PDE4B: variants seen among roughly 807,000 people sequenced by gnomAD.
The protein encoded by PDE4B is 3',5'-cyclic-AMP phosphodiesterase 4B.
Under a neutral mutation model 82.2 loss-of-function variants are expected in PDE4B, and 20 were observed. The observed-to-expected ratio is 0.24, with a 90% CI of 0.17 to 0.35. The LOEUF is 0.35. PDE4B is among the 10% of genes least tolerant of loss of function. The probability of loss-of-function intolerance (pLI) is 1.00; values close to 1 mark genes in which losing one functional copy is unlikely to be tolerated. For missense variants in PDE4B, 655 were observed against 907.2 expected (o/e 0.72, Z 3.57); for synonymous variants, 320 against 318.9 (o/e 1.00, Z -0.04).
At chr1:65,896,473 A>G (rs1646911898) in intron 1 of PDE4B, among the ~76,000 whole-genome samples, 1 of 152,168 alleles carries the variant, frequency 6.6e-6, no homozygotes, top group South Asian at 2.1e-4. Flanking sequence ...TGGCCAAACC[A>G]TATCAGTGTG....
rs533177885 is a variant in PDE4B at position 66,270,198 on chromosome 1, T to G, written c.634+4111T>G. On this transcript the variant is annotated intron_variant, in intron 7 of 16. Coordinates refer to ENST00000341517, the MANE Select transcript of PDE4B (RefSeq NM_002600.4). Reference sequence around the variant, plus strand: ...GATTTTCAACACCAGTCAATTAGAATGCATTTCAAGAAAAGACTGTGTTCA... The same window carrying G: ...GATTTTCAACACCAGTCAATTAGAAGGCATTTCAAGAAAAGACTGTGTTCA... Among the ~76,000 whole-genome samples the G allele has an allele frequency of 5.9e-5, 9 of 152,336 alleles. No individual in the cohort carries two copies. The East Asian group carries it at 1.7e-3, about 29-fold the overall frequency.
intron 1 of PDE4B, among the ~76,000 whole-genome samples, chr1:65,882,229 A>G (rs1646716078): frequency 6.6e-6 from 1 of 152,160 alleles, no homozygotes; most frequent in South Asian, 2.1e-4. Flanking sequence ...TTGTAGGAGC[A>G]TGGTTACCAG....
In PDE4B at chr1:65,913,249, T is replaced by TA; in HGVS notation, c.-61dup. 11 of 1,433,642 alleles carry TA rather than the reference T, an allele frequency of 7.7e-6. No individual in the cohort carries two copies. Among genetic ancestry groups the TA allele is most frequent in the Non-Finnish European group, 1.1e-5 (11 of 1,016,556 alleles). 88.8% of individuals were successfully genotyped at this position (1,433,642 alleles called of 1,614,324 possible). A position where few individuals can be genotyped will look rare whatever the true frequency, so the allele number is the denominator to read the frequency against. On this transcript the variant is annotated 5_prime_UTR_variant, in exon 2 of 17. An upstream open reading frame in the 5' UTR loses its in-frame stop. Transcript: ENST00000341517. The stretch of plus-strand genomic sequence containing the variant: ...GTGTGTTTTTTTCTCCTGTAGGTAT[T>TA]AAAAAGTGTCAGCAAACTGCATTGA...
chr1:65,804,378 G>C (rs1557755577), intron 1 of PDE4B, among the ~76,000 whole-genome samples: 2 of 152,170 alleles, frequency 1.3e-5, no homozygotes, highest in Non-Finnish European at 2.9e-5. Flanking sequence ...GTTAGTTAAG[G>C]AGAGCACGTC....
chr1:66,045,909 G>A (rs1416472893), intron 3 of PDE4B, among the ~76,000 whole-genome samples: 1 of 151,706 alleles, frequency 6.6e-6, no homozygotes, highest in Non-Finnish European at 1.5e-5. Flanking sequence ...GATGGGGAGT[G>A]GAAGGAGGGC....
chr1:66,317,348 C>A (rs1439609250), intron 7 of PDE4B, among the ~76,000 whole-genome samples: 3 of 152,154 alleles, frequency 2.0e-5, no homozygotes, highest in Non-Finnish European at 4.4e-5. Context: ...CTGCACCAAA[C>A]CCTACCCCGC....
chr1:66,153,647 CTT>C (rs1646446868), intron 3 of PDE4B, among the ~76,000 whole-genome samples: 3 of 152,298 alleles, frequency 2.0e-5, no homozygotes, highest in South Asian at 4.1e-4. Context: ...CACTCTGAGA[CTT>C]TATAGCCCAG....
chr1:65,975,731 C>A (rs1478337758), intron 3 of PDE4B, among the ~76,000 whole-genome samples: 3 of 152,174 alleles, frequency 2.0e-5, no homozygotes, highest in Admixed American at 1.3e-4. Flanking sequence ...CTAAAAGGAG[C>A]CAGGGTACAG....
chr1:66,176,187 A>G (rs1011402727), intron 3 of PDE4B, among the ~76,000 whole-genome samples: 4 of 152,194 alleles, frequency 2.6e-5, no homozygotes, highest in African/African-American at 7.2e-5. Flanking sequence ...CAAAGGCAAG[A>G]TTTCCCACGC....
At chr1:65,838,163 G>A (rs182791267) in intron 1 of PDE4B, among the ~76,000 whole-genome samples, 39 of 152,126 alleles carry the variant, frequency 2.6e-4, no homozygotes, top group African/African-American at 8.9e-4. Context: ...TGTATGTCTT[G>A]CCAGTGAAAC....
At chr1:65,825,750 C>T (rs538354419) in intron 1 of PDE4B, among the ~76,000 whole-genome samples, 14 of 151,556 alleles carry the variant, frequency 9.2e-5, no homozygotes, top group Admixed American at 2.6e-4. Flanking sequence ...ATCTATCTAT[C>T]TATCTATCTC....
intron 7 of PDE4B, among the ~76,000 whole-genome samples, chr1:66,296,405 T>C (rs1014172791): frequency 6.6e-6 from 1 of 152,194 alleles, no homozygotes; most frequent in Non-Finnish European, 1.5e-5. Flanking sequence ...TTTTAGTTGA[T>C]GTGCTGACCC....
intron 1 of PDE4B, among the ~76,000 whole-genome samples, chr1:65,828,904 A>T (rs931998219): frequency 3.3e-5 from 5 of 152,214 alleles, no homozygotes; most frequent in African/African-American, 1.2e-4. Flanking sequence ...ACAATGAGTA[A>T]ATTAAACAAA....
chr1:66,111,669 G>A (rs985532671), intron 3 of PDE4B, among the ~76,000 whole-genome samples: 13 of 152,068 alleles, frequency 8.5e-5, no homozygotes, highest in South Asian at 6.2e-4. Flanking sequence ...CCATTCATCC[G>A]TTGGTAAACA....
At chr1:66,009,715 A>T (rs559393175) in intron 3 of PDE4B, among the ~76,000 whole-genome samples, 1 of 152,166 alleles carries the variant, frequency 6.6e-6, no homozygotes, top group East Asian at 1.9e-4. Flanking sequence ...TTCTTATTTC[A>T]GGTGGTGTCT....
intron 3 of PDE4B, among the ~76,000 whole-genome samples, chr1:66,163,002 T>C (rs1267005473): frequency 6.6e-6 from 1 of 152,220 alleles, no homozygotes; most frequent in Non-Finnish European, 1.5e-5. Flanking sequence ...TAGTTCAGTT[T>C]TCCAATATCC....
chr1:66,198,472 G>A (rs911371269), intron 3 of PDE4B, among the ~76,000 whole-genome samples: 3 of 152,034 alleles, frequency 2.0e-5, no homozygotes, highest in Non-Finnish European at 1.5e-5. Context: ...GCAAAAAGTG[G>A]CATTTATTTT....
intron 3 of PDE4B, among the ~76,000 whole-genome samples, chr1:66,240,168 A>G (rs548382143): frequency 6.6e-6 from 1 of 152,344 alleles, no homozygotes; most frequent in African/African-American, 2.4e-5. Context: ...GTATCACCGT[A>G]TCACCCACAG....
At chr1:66,192,932 T>C (rs904307214) in intron 3 of PDE4B, among the ~76,000 whole-genome samples, 1 of 152,186 alleles carries the variant, frequency 6.6e-6, no homozygotes, top group African/African-American at 2.4e-5. Flanking sequence ...TTTAAGGTAC[T>C]TGCCCAAAGT....
Sources: allele counts gnomAD v4.1 joint callset (sites outside exome capture counted in the v4.1 genomes callset), GRCh38; gene constraint gnomAD v4.1.1; transcripts MANE v1.5; gene names NCBI Gene and HGNC (gene_info 2026-07-23, HGNC 2026-07-21).